Variants in NCALD observed in about 807,000 individuals in gnomAD.
The protein encoded by NCALD is neurocalcin delta, also known as neurocalcin-delta.
In NCALD, 10 loss-of-function variants were observed where a neutral mutation model predicts 18.6. The observed-to-expected ratio is 0.54, with a 90% confidence interval of 0.33 to 0.91. The LOEUF (loss-of-function observed/expected upper bound fraction) is 0.91, where lower values mean the gene tolerates loss of function less well. Ranked by LOEUF, NCALD falls within the 40% of genes least tolerant of loss-of-function variation. NCALD has a pLI of 0.03. For synonymous variants in NCALD, 88 were observed against 87.4 expected (o/e 1.01, Z -0.04); for missense variants, 184 against 247.6 (o/e 0.74, Z 1.72).
intron 4 of NCALD, among the ~76,000 whole-genome samples, chr8:101,844,810 T>C (rs1217631810): frequency 6.6e-6 from 1 of 152,184 alleles, no homozygotes; most frequent in Non-Finnish European, 1.5e-5. Context: ...GCTTATTCTC[T>C]TTGCACCTTT....
intron 2 of NCALD, among the ~76,000 whole-genome samples, chr8:101,705,420 G>A (rs1387638149): frequency 1.3e-5 from 2 of 152,116 alleles, no homozygotes; most frequent in Non-Finnish European, 2.9e-5. Context: ...AGGAAGAGCT[G>A]TTAGAAACAT....
intron 4 of NCALD, among the ~76,000 whole-genome samples, chr8:101,813,470 T>C (rs1813384281): frequency 6.6e-6 from 1 of 152,156 alleles, no homozygotes; most frequent in Admixed American, 6.6e-5. Flanking sequence ...CTGAGTTACT[T>C]GCTCAAGGAT....
intron 2 of NCALD, among the ~76,000 whole-genome samples, chr8:101,708,094 C>G (rs1815615872): frequency 6.6e-6 from 1 of 152,128 alleles, no homozygotes; most frequent in Admixed American, 6.5e-5. Context: ...AACTTAAGAA[C>G]AAACCCAGAC....
chr8:102,122,258 G>A (rs1379088449), intron 1 of NCALD, among the ~76,000 whole-genome samples: 4 of 152,222 alleles, frequency 2.6e-5, no homozygotes, highest in East Asian at 3.8e-4. Context: ...CAGAGGCTAC[G>A]TGGGGGGAGG....
intron 2 of NCALD, among the ~76,000 whole-genome samples, chr8:102,012,995 A>T (rs945283401): frequency 1.3e-5 from 2 of 152,196 alleles, no homozygotes; most frequent in Non-Finnish European, 2.9e-5. Context: ...ACACTCACAC[A>T]CACACACAAA....
intron 3 of NCALD, among the ~76,000 whole-genome samples, chr8:101,903,541 A>C (rs142311289): frequency 6.6e-6 from 1 of 152,252 alleles, no homozygotes; most frequent in African/African-American, 2.4e-5. Context: ...GGCGAGAGCG[A>C]GGGAGAGAAT....
At chr8:102,025,180 C>A (rs1822411197) in intron 1 of NCALD, among the ~76,000 whole-genome samples, 1 of 152,170 alleles carries the variant, frequency 6.6e-6, no homozygotes, top group Non-Finnish European at 1.5e-5. Context: ...ATGGAGGCCC[C>A]TCGCTAGCTA....
intron 1 of NCALD, among the ~76,000 whole-genome samples, chr8:101,758,242 T>A (rs1190456140): frequency 6.6e-6 from 1 of 152,128 alleles, no homozygotes; most frequent in Non-Finnish European, 1.5e-5. Flanking sequence ...CACTTGACCC[T>A]CTCTCCACCC....
At chr8:101,985,872 G>A (rs1321685534) in intron 2 of NCALD, among the ~76,000 whole-genome samples, 1 of 152,062 alleles carries the variant, frequency 6.6e-6, no homozygotes, top group Non-Finnish European at 1.5e-5. Context: ...TTGGAACTTG[G>A]AAGCCTTAGG....
At chr8:101,821,022 G>A (rs1813699605) in intron 4 of NCALD, among the ~76,000 whole-genome samples, 1 of 152,142 alleles carries the variant, frequency 6.6e-6, no homozygotes, top group Non-Finnish European at 1.5e-5. Flanking sequence ...AGAGAATAAT[G>A]TCATAAAGAC....
At chr8:102,065,010 CAAAAA>C (rs34548051) in intron 1 of NCALD, among the ~76,000 whole-genome samples, 1 of 87,578 alleles carries the variant, frequency 1.1e-5, no homozygotes, top group Non-Finnish European at 2.0e-5. Context: ...CTCACTTTGG[CAAAAA>C]AAAAAAAAAA....
chr8:101,837,757 C>A (rs747332070), intron 4 of NCALD, among the ~76,000 whole-genome samples: 12 of 152,206 alleles, frequency 7.9e-5, no homozygotes, highest in Non-Finnish European at 1.6e-4. Context: ...CTGATTCCTG[C>A]CACCAGAGCA....
intron 2 of NCALD, among the ~76,000 whole-genome samples, chr8:101,931,751 C>G (rs948030406): frequency 2.6e-5 from 4 of 152,078 alleles, no homozygotes; most frequent in African/African-American, 9.7e-5. Flanking sequence ...TAGTCCTGTC[C>G]CAGTGGCCCT....
intron 4 of NCALD, among the ~76,000 whole-genome samples, chr8:101,827,571 T>C (rs550710312): frequency 1.4e-4 from 21 of 152,228 alleles, no homozygotes; most frequent in Non-Finnish European, 2.4e-4. Flanking sequence ...TACATATCCA[T>C]AAATCATCAC....
At chr8:101,706,317 T>TAAAA (rs1261711377) in intron 2 of NCALD, among the ~76,000 whole-genome samples, 161 of 146,016 alleles carry the variant, frequency 1.1e-3, no homozygotes, top group African/African-American at 3.9e-3. Flanking sequence ...TAAGACTATT[T>TAAAA]AAAAAAAAAA....
chr8:102,036,610 A>C (rs1421022573), intron 1 of NCALD, among the ~76,000 whole-genome samples: 1 of 152,106 alleles, frequency 6.6e-6, no homozygotes, highest in Non-Finnish European at 1.5e-5. Context: ...CCCCATTTCT[A>C]CTAAAAATAC....
In NCALD at chr8:102,025,178, C is replaced by A. The variant is rs76145081; in HGVS notation, c.-209-4889G>T. 1.6e-3 allele frequency among the ~76,000 whole-genome samples: 240 copies of A among 152,214 alleles called. 5 individuals are homozygous for A. In the East Asian group the frequency reaches 0.044, roughly 28 times the overall value. On this transcript the variant is annotated intron_variant, in intron 1 of 6. Coordinates refer to the NCALD transcript ENST00000311028. ...AGTGGAGACATTTCAACATGGAGGC[C>A]CCTCGCTAGCTACTCTTCATTCACC... is the stretch of plus-strand genomic sequence containing the variant.
At chr8:102,082,184 A>T (rs74447424) in intron 1 of NCALD, among the ~76,000 whole-genome samples, 9,062 of 150,914 alleles carry the variant, frequency 0.06, 412 homozygotes, top group Non-Finnish European at 0.093. Context: ...ATTATTCTCA[A>T]ATAATAGCCC....
At chr8:101,700,845 C>T (rs530645012) in intron 2 of NCALD, among the ~76,000 whole-genome samples, 6 of 152,272 alleles carry the variant, frequency 3.9e-5, no homozygotes, top group Non-Finnish European at 7.4e-5. Context: ...ACAAAATGAA[C>T]GGCGTCCGAA....
Sources: gnomAD v4.1 joint callset for allele counts (sites outside exome capture counted in the v4.1 genomes callset) on GRCh38, gnomAD v4.1.1 for gene constraint, MANE v1.5 for transcripts, NCBI Gene and HGNC (gene_info 2026-07-23, HGNC 2026-07-21) for gene names.